IMMP2L: variants seen among roughly 807,000 people sequenced by gnomAD.
The protein encoded by IMMP2L is mitochondrial inner membrane protease subunit 2.
IMMP2L carries 18 observed loss-of-function variants against 19.3 expected under a neutral mutation model. The observed-to-expected ratio is 0.93, with a 90% CI of 0.64 to 1.38. The LOEUF is 1.38. Among genes scored for constraint, IMMP2L ranks in the 40% most tolerant of loss-of-function variants. The pLI, the probability that IMMP2L is intolerant of heterozygous loss-of-function variation, is 0.00. For missense variants in IMMP2L, 233 were observed against 218.2 expected (o/e 1.07, Z -0.43); for synonymous variants, 76 against 73.0 (o/e 1.04, Z -0.21).
intron 2 of IMMP2L, among the ~76,000 whole-genome samples, chr7:111,519,768 C>A (rs557785429): frequency 6.6e-6 from 1 of 152,110 alleles, no homozygotes; most frequent in East Asian, 1.9e-4. Flanking sequence ...CCACATGATC[C>A]TCTGGAATAT....
chr7:111,362,143 C>CA (rs1039524224), intron 3 of IMMP2L, among the ~76,000 whole-genome samples: 3 of 150,802 alleles, frequency 2.0e-5, no homozygotes, highest in African/African-American at 4.9e-5. Context: ...ACCATTTTAT[C>CA]AAAAAAAAAT....
intron 3 of IMMP2L, among the ~76,000 whole-genome samples, chr7:111,138,900 C>A (rs1443957487): frequency 6.6e-6 from 1 of 152,004 alleles, no homozygotes; most frequent in Non-Finnish European, 1.5e-5. Flanking sequence ...ACAGAGATTG[C>A]CTGTATTTAT....
chr7:110,695,967 C>G (rs1053418178), intron 5 of IMMP2L, among the ~76,000 whole-genome samples: 2 of 152,180 alleles, frequency 1.3e-5, no homozygotes, highest in Non-Finnish European at 1.5e-5. Flanking sequence ...AGAGGACGGC[C>G]TTTTGCCATG....
chr7:111,438,704 T>A lies in IMMP2L; in HGVS notation c.239+48534A>T, dbSNP rs141136617. On this transcript the variant is annotated intron_variant, in intron 3 of 5. Transcript: ENST00000405709. The stretch of plus-strand genomic sequence containing the variant: ...CAAAAGAAAGCAGAGAAAGCCAATG[T>A]GAAAGGAATGTGTAGGATTAGTCAC... Among the ~76,000 whole-genome samples the A allele has an allele frequency of 1.4e-3, 214 of 151,966 alleles. 6 individuals are homozygous for A. Among genetic ancestry groups the A allele is most frequent in the African/African-American group, 5.0e-3 (206 of 41,256 alleles).
chr7:110,781,307 C>T (rs1175089583), intron 5 of IMMP2L, among the ~76,000 whole-genome samples: 6 of 151,836 alleles, frequency 4.0e-5, no homozygotes, highest in Admixed American at 3.9e-4. Flanking sequence ...ATACTGAGTA[C>T]AAATTCCCAG....
At chr7:111,307,301 C>T (rs1822987352) in intron 3 of IMMP2L, among the ~76,000 whole-genome samples, 1 of 151,550 alleles carries the variant, frequency 6.6e-6, no homozygotes, top group Admixed American at 6.6e-5. Flanking sequence ...ATGAATGTTA[C>T]TATTTATCTT....
intron 3 of IMMP2L, among the ~76,000 whole-genome samples, chr7:111,268,482 T>G (rs1818059181): frequency 9.3e-6 from 1 of 107,304 alleles, no homozygotes; most frequent in Non-Finnish European, 1.8e-5. Flanking sequence ...TTGTCGTTTA[T>G]CTAATAAAAA....
chr7:111,386,952 A>G (rs767988877), intron 3 of IMMP2L, among the ~76,000 whole-genome samples: 4 of 152,200 alleles, frequency 2.6e-5, no homozygotes, highest in Non-Finnish European at 5.9e-5. Flanking sequence ...AAACAAGATA[A>G]TACCATAAGT....
chr7:111,371,098 A>C (rs1334131666), intron 3 of IMMP2L, among the ~76,000 whole-genome samples: 1 of 151,964 alleles, frequency 6.6e-6, no homozygotes, highest in Admixed American at 6.6e-5. Flanking sequence ...GGGCTACAGA[A>C]AGGATACATG....
chr7:110,794,615 C>A (rs1800736455), intron 5 of IMMP2L, among the ~76,000 whole-genome samples: 2 of 152,010 alleles, frequency 1.3e-5, no homozygotes, highest in African/African-American at 4.8e-5. Flanking sequence ...AAAACATCAT[C>A]ACAAAACAAA....
At chr7:111,111,942 G>GTTTTTTTTTTTTTTTT (rs748410980) in intron 3 of IMMP2L, among the ~76,000 whole-genome samples, 2 of 84,110 alleles carry the variant, frequency 2.4e-5, no homozygotes, top group Admixed American at 1.5e-4. Context: ...TATATAGTTT[G>GTTTTTTTTTTTTTTTT]TTTTTTTTTT....
At chr7:111,141,305 C>G (rs922277934) in intron 3 of IMMP2L, among the ~76,000 whole-genome samples, 1 of 151,906 alleles carries the variant, frequency 6.6e-6, no homozygotes, top group African/African-American at 2.4e-5. Flanking sequence ...TCCCTTAAAC[C>G]CCTCCACATT....
intron 3 of IMMP2L, among the ~76,000 whole-genome samples, chr7:111,355,612 G>A (rs968403847): frequency 6.6e-6 from 1 of 151,640 alleles, no homozygotes; most frequent in Admixed American, 6.6e-5. Flanking sequence ...AAAAAACAGG[G>A]AAAAAATAGA....
intron 3 of IMMP2L, among the ~76,000 whole-genome samples, chr7:111,473,541 C>T (rs1042056316): frequency 1.3e-5 from 2 of 152,138 alleles, no homozygotes; most frequent in African/African-American, 4.8e-5. Flanking sequence ...AGGCGTAATC[C>T]AGCATGGAGC....
intron 3 of IMMP2L, among the ~76,000 whole-genome samples, chr7:111,286,052 A>G (rs992942429): frequency 2.6e-5 from 4 of 152,166 alleles, no homozygotes; most frequent in Non-Finnish European, 4.4e-5. Flanking sequence ...ACAGGATTCC[A>G]AAAGGATTTT....
chr7:110,951,912 G>A (rs567318340), intron 4 of IMMP2L, among the ~76,000 whole-genome samples: 19 of 151,972 alleles, frequency 1.3e-4, no homozygotes, highest in Admixed American at 8.5e-4. Context: ...GAGAAACCCC[G>A]GTCAACGTTA....
intron 3 of IMMP2L, among the ~76,000 whole-genome samples, chr7:110,985,544 A>G (rs966732108): frequency 6.6e-6 from 1 of 152,180 alleles, no homozygotes; most frequent in East Asian, 1.9e-4. Flanking sequence ...ACATAGTTAT[A>G]GTTGATGATA....
intron 3 of IMMP2L, chr7:111,122,862 A>G: frequency 1.2e-6 from 2 of 1,613,992 alleles, no homozygotes; most frequent in African/African-American, 2.7e-5. Flanking sequence ...TGGATTGTCC[A>G]CGGTTATGTA....
At chr7:111,537,388 GA>G (rs1847978594) in intron 1 of IMMP2L, among the ~76,000 whole-genome samples, 1 of 151,890 alleles carries the variant, frequency 6.6e-6, no homozygotes, top group Admixed American at 6.6e-5. Context: ...GAGCATTCAT[GA>G]AAAAAATAGA....
Sources: allele counts gnomAD v4.1 joint callset (sites outside exome capture counted in the v4.1 genomes callset), GRCh38; gene constraint gnomAD v4.1.1; transcripts MANE v1.5; gene names NCBI Gene and HGNC (gene_info 2026-07-23, HGNC 2026-07-21).